The following FRMD4B variants were observed in gnomAD, a reference collection of about 807,000 sequenced individuals.
The protein encoded by FRMD4B is FERM domain-containing protein 4B.
In FRMD4B, 74 loss-of-function variants were observed where a neutral mutation model predicts 141.5. The observed-to-expected ratio is 0.52, with a 90% CI of 0.43 to 0.63. The LOEUF is 0.63. FRMD4B is among the 30% of genes least tolerant of loss of function. The probability of loss-of-function intolerance (pLI) is 0.00; values close to 1 mark genes in which losing one functional copy is unlikely to be tolerated. For missense variants in FRMD4B, 1,366 were observed against 1,253.4 expected, an observed-to-expected ratio of 1.09 and a Z score of -1.36; for synonymous variants, 506 against 467.9, an observed-to-expected ratio of 1.08 and a Z score of -1.05.
At chr3:69,304,398 C>T (rs1701319838) in intron 3 of FRMD4B, among the ~76,000 whole-genome samples, 1 of 148,216 alleles carries the variant, frequency 6.7e-6, no homozygotes, top group African/African-American at 2.5e-5. Flanking sequence ...GCAGGAGAAT[C>T]ACTTGAAGCC....
intron 1 of FRMD4B, among the ~76,000 whole-genome samples, chr3:69,539,567 G>GA (rs755333784): frequency 7.9e-5 from 12 of 152,134 alleles, no homozygotes; most frequent in Non-Finnish European, 1.6e-4. Flanking sequence ...ACTTGCAGGG[G>GA]AAAAATCTTC....
At chr3:69,252,288 C>G (rs1006522619) in intron 5 of FRMD4B, among the ~76,000 whole-genome samples, 1 of 152,160 alleles carries the variant, frequency 6.6e-6, no homozygotes, top group East Asian at 1.9e-4. Context: ...AGACAAGTAC[C>G]AGGCTCAGAC....
chr3:69,254,196 C>G (rs2093479222), intron 5 of FRMD4B, among the ~76,000 whole-genome samples: 1 of 152,092 alleles, frequency 6.6e-6, no homozygotes, highest in Non-Finnish European at 1.5e-5. Flanking sequence ...CCTCCGCCTC[C>G]CGAGTTCAAG....
chr3:69,191,156 C>T (rs1266300685), intron 17 of FRMD4B, among the ~76,000 whole-genome samples: 2 of 152,310 alleles, frequency 1.3e-5, no homozygotes, highest in East Asian at 3.9e-4. Flanking sequence ...CACTGCCTCA[C>T]CCCTGTAATC....
intron 1 of FRMD4B, among the ~76,000 whole-genome samples, chr3:69,496,148 G>T (rs1444292344): frequency 6.6e-6 from 1 of 152,158 alleles, no homozygotes; most frequent in Non-Finnish European, 1.5e-5. Flanking sequence ...TTGTAAAATA[G>T]GAGTAGAAAA....
chr3:69,248,764 T>A (rs1575656237), intron 7 of FRMD4B, among the ~76,000 whole-genome samples: 1 of 152,270 alleles, frequency 6.6e-6, no homozygotes. Flanking sequence ...ACAATACAAC[T>A]GTTAGGTCAA....
At chr3:69,190,280 T>A (rs1004729616) in intron 17 of FRMD4B, among the ~76,000 whole-genome samples, 1 of 152,164 alleles carries the variant, frequency 6.6e-6, no homozygotes, top group Non-Finnish European at 1.5e-5. Flanking sequence ...ATCAACAAAC[T>A]GGAAAGAAAA....
intron 1 of FRMD4B, among the ~76,000 whole-genome samples, chr3:69,486,744 G>A (rs1203769263): frequency 2.0e-5 from 3 of 152,164 alleles, no homozygotes; most frequent in Non-Finnish European, 4.4e-5. Context: ...AACAAACACT[G>A]AAGAGATTAG....
chr3:69,264,770 T>C lies in FRMD4B; in HGVS notation c.502-14671A>G, dbSNP rs115888292. Among the ~76,000 whole-genome samples, 608 of 152,184 alleles carry C rather than the reference T, an allele frequency of 4.0e-3. 3 individuals carry two copies. The highest frequency in any genetic ancestry group is 0.014 in the African/African-American group (588 of 41,526). On this transcript the variant is annotated intron_variant, in intron 5 of 22. Transcript: ENST00000398540. ...GATGCTTTGAAAAAGTAAAAGACATTACAAAAAAACAAACAAATACAGGTA... is the reference window on the plus strand; with the variant it reads ...GATGCTTTGAAAAAGTAAAAGACATCACAAAAAAACAAACAAATACAGGTA...
chr3:69,442,858 T>C (rs1004154039), intron 1 of FRMD4B, among the ~76,000 whole-genome samples: 7 of 152,224 alleles, frequency 4.6e-5, no homozygotes, highest in African/African-American at 1.7e-4. Context: ...TTTGGGCCAG[T>C]TTCTTCATAT....
In FRMD4B at chr3:69,196,740, C is replaced by T. The variant is rs1022293183; in HGVS notation, c.1092+160G>A. Reference sequence around the variant, plus strand: ...TTAAAGCAGCTTATATATTGCCCATCATGTAAACATATAAAAAACCTGAAA... The same window carrying T: ...TTAAAGCAGCTTATATATTGCCCATTATGTAAACATATAAAAAACCTGAAA... On this transcript the variant is annotated intron_variant, in intron 13 of 22. Transcript: ENST00000398540. 2.6e-5 allele frequency: 16 copies of T among 619,564 alleles called. No individual in the cohort carries two copies. In the South Asian group the frequency reaches 3.2e-4, roughly 12 times the overall value. 38.4% of individuals were successfully genotyped at this position (619,564 alleles called of 1,614,324 possible). A position where few individuals can be genotyped will look rare whatever the true frequency, so the allele number is the denominator to read the frequency against.
At chr3:69,311,092 T>G (rs2107222623) in intron 3 of FRMD4B, among the ~76,000 whole-genome samples, 171 bp downstream of exon 3, 1 of 152,324 alleles carries the variant, frequency 6.6e-6, no homozygotes, top group South Asian at 2.1e-4. Flanking sequence ...ATCCCTTTTC[T>G]TCTCCCTTTG....
intron 1 of FRMD4B, among the ~76,000 whole-genome samples, chr3:69,489,233 A>G (rs1244531914): frequency 2.0e-5 from 3 of 151,494 alleles, no homozygotes; most frequent in Admixed American, 2.0e-4. Context: ...TATGATAGAC[A>G]TTTCTCCAAA....
At chr3:69,452,108 C>T (rs1236684580) in intron 1 of FRMD4B, among the ~76,000 whole-genome samples, 1 of 152,232 alleles carries the variant, frequency 6.6e-6, no homozygotes, top group East Asian at 1.9e-4. Flanking sequence ...GAGGAAGAAG[C>T]ATCATCATTT....
At position 69,271,681 on chromosome 3, in the gene FRMD4B, TATA is replaced by T. The variant is rs544529262; in HGVS notation, c.501+16068_501+16070del. Among the ~76,000 whole-genome samples, 3 of 152,184 alleles carry T rather than the reference TATA, an allele frequency of 2.0e-5. No homozygotes were observed. In the South Asian group the frequency reaches 6.2e-4, roughly 32 times the overall value. On this transcript the variant is annotated intron_variant, in intron 5 of 22. Transcript: ENST00000398540. ...TAAAACTTTCAATAGTCCTTTAAAATATAATAATAGGCCAGGCACAGTGGCTCA... is the reference window on the plus strand; with the variant it reads ...TAAAACTTTCAATAGTCCTTTAAAATATAATAGGCCAGGCACAGTGGCTCA...
intron 4 of FRMD4B, among the ~76,000 whole-genome samples, chr3:69,290,539 G>A (rs1290778914): frequency 6.6e-6 from 1 of 152,150 alleles, no homozygotes; most frequent in South Asian, 2.1e-4. Flanking sequence ...GCTACTTGGT[G>A]GTGGCTGTTT....
At chr3:69,228,709 G>A in intron 7 of FRMD4B, 1 of 311,944 alleles carries the variant, frequency 3.2e-6, no homozygotes, top group East Asian at 7.7e-5. Context: ...GTCATGGCAT[G>A]TGCCTGTGGT....
intron 19 of FRMD4B, among the ~76,000 whole-genome samples, chr3:69,187,550 A>ATAT (rs1346022116): frequency 4.9e-5 from 7 of 143,918 alleles, no homozygotes; most frequent in South Asian, 4.4e-4. Context: ...CAAAAAAAAA[A>ATAT]AAATATATAT....
intron 1 of FRMD4B, among the ~76,000 whole-genome samples, chr3:69,347,128 T>C (rs1350589857): frequency 6.6e-6 from 1 of 152,110 alleles, no homozygotes; most frequent in Non-Finnish European, 1.5e-5. Flanking sequence ...AATAAAGAGA[T>C]GAATGAAGGT....
Sources: gnomAD v4.1 joint callset for allele counts (sites outside exome capture counted in the v4.1 genomes callset) on GRCh38, gnomAD v4.1.1 for gene constraint, MANE v1.5 for transcripts, NCBI Gene and HGNC (gene_info 2026-07-23, HGNC 2026-07-21) for gene names.